Variants in PLEKHM3 observed in about 807,000 individuals in gnomAD.
PLEKHM3 encodes pleckstrin homology domain containing M3.
A neutral mutation model predicts 81.8 loss-of-function variants in PLEKHM3; 45 were observed. The observed-to-expected ratio is 0.55, with a 90% CI of 0.43 to 0.71. The LOEUF (loss-of-function observed/expected upper bound fraction) is 0.71. Ranked by LOEUF, PLEKHM3 falls within the 30% of genes least tolerant of loss-of-function variation. PLEKHM3 has a pLI of 0.00. For synonymous variants in PLEKHM3, 352 were observed against 356.4 expected, an observed-to-expected ratio of 0.99 and a Z score of 0.14; for missense variants, 788 against 924.3, an observed-to-expected ratio of 0.85 and a Z score of 1.91.
intron 5 of PLEKHM3, among the ~76,000 whole-genome samples, chr2:207,915,040 C>T (rs1289744381): frequency 6.6e-6 from 1 of 152,156 alleles, no homozygotes; most frequent in Non-Finnish European, 1.5e-5. Context: ...GTAGCACTAC[C>T]GAGTTTCCTG....
At chr2:207,948,800 C>T (rs1337198341) in intron 3 of PLEKHM3, among the ~76,000 whole-genome samples, 1 of 152,176 alleles carries the variant, frequency 6.6e-6, no homozygotes, top group Non-Finnish European at 1.5e-5. Context: ...GCCTCGGCCT[C>T]CCAAAGTGCT....
In PLEKHM3 at chr2:207,978,828, A is replaced by C. The variant is rs750777670; in HGVS notation, c.611-1242T>G. On this transcript the variant is annotated intron_variant, in intron 2 of 7. Coordinates refer to ENST00000427836, the MANE Select transcript of PLEKHM3 (RefSeq NM_001080475.3). The stretch of plus-strand genomic sequence containing the variant: ...CAGTATCAGGTATCACTACTAAATT[A>C]TTCTTCTATCATGGGCTCTTAGTTC... Among the ~76,000 whole-genome samples the C allele has an allele frequency of 1.2e-4, 18 of 152,304 alleles. No individual in the cohort carries two copies. The South Asian group carries it at 2.1e-3, about 18-fold the overall frequency.
At chr2:207,954,393 T>C (rs1055755459) in intron 3 of PLEKHM3, among the ~76,000 whole-genome samples, 1 of 152,178 alleles carries the variant, frequency 6.6e-6, no homozygotes, top group African/African-American at 2.4e-5. Context: ...GCAAATATTA[T>C]GTTTGTAAAG....
At chr2:208,020,033 G>C (rs1693072634) in intron 1 of PLEKHM3, among the ~76,000 whole-genome samples, 1 of 152,220 alleles carries the variant, frequency 6.6e-6, no homozygotes, top group African/African-American at 2.4e-5. Context: ...TTATATTTCT[G>C]ATGTTTCTAA....
At chr2:207,921,619 T>A (rs1015325739) in intron 5 of PLEKHM3, among the ~76,000 whole-genome samples, 1 of 152,206 alleles carries the variant, frequency 6.6e-6, no homozygotes, top group Non-Finnish European at 1.5e-5. Context: ...TTTCTCTAAC[T>A]GTAATTTGTA....
At chr2:207,860,082 T>C (rs976564831) in intron 7 of PLEKHM3, among the ~76,000 whole-genome samples, 1 of 151,412 alleles carries the variant, frequency 6.6e-6, no homozygotes, top group Non-Finnish European at 1.5e-5. Context: ...AAGAGGTAGC[T>C]AATCTCTGGG....
intron 7 of PLEKHM3, among the ~76,000 whole-genome samples, chr2:207,853,457 G>A (rs927539817): frequency 6.7e-6 from 1 of 149,770 alleles, no homozygotes; most frequent in Non-Finnish European, 1.5e-5. Context: ...TACAGGGCCC[G>A]GTGTGGTGGC....
At chr2:207,850,931 G>A (rs2105897030) in intron 7 of PLEKHM3, among the ~76,000 whole-genome samples, 1 of 151,430 alleles carries the variant, frequency 6.6e-6, no homozygotes, top group Non-Finnish European at 1.5e-5. Flanking sequence ...AAGGCGGGTG[G>A]ACCACGAGGT....
intron 7 of PLEKHM3, among the ~76,000 whole-genome samples, chr2:207,830,714 C>CACTT: frequency 1.4e-4 from 6 of 42,876 alleles, no homozygotes; most frequent in African/African-American, 7.7e-4. Context: ...TTAGAAGTGT[C>CACTT]CTTAGAAGTG....
Position 207,828,084 on chromosome 2 carries a change from T to G in PLEKHM3, c.*235A>C. On this transcript the variant is annotated 3_prime_UTR_variant, in exon 8 of 8. Transcript: ENST00000427836. The stretch of plus-strand genomic sequence containing the variant: ...TTCTTGGCTAAGTGTAATCCAGCTA[T>G]TGGTAGTTTCTCGAGCCACAGAGGT... 1 of 280,532 alleles carries G rather than the reference T, an allele frequency of 3.6e-6. No individual in the cohort carries two copies. The highest frequency in any genetic ancestry group is 6.5e-6 in the Non-Finnish European group (1 of 154,468). 17.4% of individuals were successfully genotyped at this position (280,532 alleles called of 1,614,324 possible).
intron 2 of PLEKHM3, among the ~76,000 whole-genome samples, chr2:207,999,490 C>T (rs1041029534): frequency 1.3e-5 from 2 of 152,086 alleles, no homozygotes; most frequent in Non-Finnish European, 2.9e-5. Context: ...CCTGTAGTCC[C>T]AGCTACTTGA....
intron 7 of PLEKHM3, chr2:207,851,115 T>C (rs962484129): frequency 8.4e-5 from 11 of 130,884 alleles, no homozygotes; most frequent in Non-Finnish European, 1.5e-4. Context: ...ATCGCGCCAC[T>C]GCACTCCAGC....
rs761631553 is a variant in PLEKHM3 at position 207,827,979 on chromosome 2, C to T, written c.*340G>A. 7 of 160,748 alleles carry T rather than the reference C, an allele frequency of 4.4e-5. No individual in the cohort carries two copies. The highest frequency in any genetic ancestry group is 8.1e-5 in the Non-Finnish European group (6 of 74,440). 10.0% of individuals were successfully genotyped at this position (160,748 alleles called of 1,614,324 possible). On this transcript the variant is annotated 3_prime_UTR_variant, in exon 8 of 8. Coordinates refer to ENST00000427836, the MANE Select transcript of PLEKHM3 (RefSeq NM_001080475.3). ...TTGTGTCTTGGGTAATAAAATGTAC[C>T]GAGAGACAGAGAGAAAAAAAAAGTC... is the stretch of plus-strand genomic sequence containing the variant.
In PLEKHM3 at chr2:207,880,762, C is replaced by CAAAAAAAAAAAAAAAA. The variant is rs61384566; in HGVS notation, c.1951-19516_1951-19501dup. Among the ~76,000 whole-genome samples the CAAAAAAAAAAAAAAAA allele has an allele frequency of 3.7e-3, 26 of 6,964 alleles. 4 individuals carry two copies. The highest frequency in any genetic ancestry group is 4.8e-3 in the Non-Finnish European group (13 of 2,688). 4.6% of individuals were successfully genotyped at this position (6,964 alleles called of 152,430 possible). On this transcript the variant is annotated intron_variant, in intron 6 of 7. Transcript: ENST00000427836. ...TGGGAGACACAGCGAGACTCTGTCT[C>CAAAAAAAAAAAAAAAA]AAAAAAAAAAAAAAAAAAAAAAAAA...
chr2:207,862,996 T>C (rs565026035), intron 6 of PLEKHM3, among the ~76,000 whole-genome samples: 3 of 152,142 alleles, frequency 2.0e-5, no homozygotes, highest in South Asian at 2.1e-4. Context: ...TGTGGTGAGG[T>C]TGCACCAGGA....
Position 207,976,861 on chromosome 2 carries a change from C to A in PLEKHM3, c.1336G>T (p.Glu446Ter), listed in dbSNP as rs1691329399. ...GCTATCTTCAGAGCCTCCATCCATT[C>A]CTGAGCCCTCTGTCGGGTCTCAGCT... Reference protein sequence around the residue: ...LRAETRQRAQEWMEALKIAAN... With the variant: ...LRAETRQRAQ The change falls in exon 3 of 8, where the codon GAA becomes TAA. Residue 446 changes from glutamate to a stop codon, truncating the protein, a stop_gained. Transcript: ENST00000427836. LOFTEE classifies it high-confidence loss of function. This position sits in a 1 kb window ranked among gnomAD's most constrained non-coding sequence, Gnocchi z 4.1. 1 of 1,614,222 alleles carries A rather than the reference C, an allele frequency of 6.2e-7. No homozygotes were observed. Among genetic ancestry groups the A allele is most frequent in the Non-Finnish European group, 8.5e-7 (1 of 1,180,044 alleles).
intron 1 of PLEKHM3, among the ~76,000 whole-genome samples, chr2:208,023,469 T>TG (rs1438947473): frequency 1.3e-5 from 2 of 152,188 alleles, no homozygotes; most frequent in Non-Finnish European, 2.9e-5. Flanking sequence ...TACGGGTCCA[T>TG]GGCCTGTTAG....
chr2:207,965,178 G>A (rs925303997), intron 3 of PLEKHM3, among the ~76,000 whole-genome samples: 2 of 152,134 alleles, frequency 1.3e-5, no homozygotes, highest in Non-Finnish European at 2.9e-5. Flanking sequence ...TCTTAAAACT[G>A]TACCTACACC....
At chr2:207,967,544 T>G (rs1690959689) in intron 3 of PLEKHM3, among the ~76,000 whole-genome samples, 1 of 152,240 alleles carries the variant, frequency 6.6e-6, no homozygotes, top group Admixed American at 6.5e-5. Flanking sequence ...CAAACTAGTT[T>G]TGTGATAGCT....
Sources: allele counts gnomAD v4.1 joint callset (sites outside exome capture counted in the v4.1 genomes callset), GRCh38; gene constraint gnomAD v4.1.1; non-coding constraint Gnocchi (gnomAD v3.1); transcripts MANE v1.5; gene names NCBI Gene and HGNC (gene_info 2026-07-23, HGNC 2026-07-21).